The following PTPN23 variants were observed in gnomAD, a reference collection of about 807,000 sequenced individuals.
The protein encoded by PTPN23 is tyrosine-protein phosphatase non-receptor type 23.
Under a neutral mutation model 156.3 loss-of-function variants are expected in PTPN23, and 72 were observed. The observed-to-expected ratio is 0.46, with a 90% confidence interval of 0.38 to 0.56. The LOEUF (loss-of-function observed/expected upper bound fraction) is 0.56, where lower values mean the gene tolerates loss of function less well. Among genes scored for constraint, PTPN23 ranks in the 20% least tolerant of loss-of-function variants. The pLI, the probability that PTPN23 is intolerant of heterozygous loss-of-function variation, is 0.00. For synonymous variants in PTPN23, 957 were observed against 899.6 expected (o/e 1.06, Z -1.14); for missense variants, 1,974 against 2,171.5 (o/e 0.91, Z 1.81).
intron 2 of PTPN23, among the ~76,000 whole-genome samples, chr3:47,402,977 A>T (rs1445617573): frequency 1.3e-5 from 2 of 151,502 alleles, no homozygotes; most frequent in African/African-American, 2.4e-5. Context: ...AAGTGCTAGG[A>T]TTATGGGCGT....
At position 47,404,886 on chromosome 3, in the gene PTPN23, C is replaced by G. The variant is rs1263661566; in HGVS notation, c.287+107C>G. 4 of 1,574,676 alleles carry G rather than the reference C, an allele frequency of 2.5e-6. No homozygotes were observed. In the African/African-American group the frequency reaches 5.4e-5, roughly 21 times the overall value. ...CTTGCTGCATAGGATGGGGAATGGC[C>G]TCATATGGTCCCCCCAGGCCTCCCC... On this transcript the variant is annotated intron_variant, in intron 3 of 24. Transcript: ENST00000265562.
Position 47,411,740 on chromosome 3 carries a change from G to C in PTPN23, c.3889-43G>C, listed in dbSNP as rs1705298538. 1.3e-6 allele frequency: 2 copies of C among 1,592,482 alleles called. No individual in the cohort carries two copies. Among genetic ancestry groups the C allele is most frequent in the African/African-American group, 1.3e-5 (1 of 74,466 alleles). On this transcript the variant is annotated intron_variant, in intron 20 of 24. Transcript: ENST00000265562. The surrounding 1 kb of genome is among the most constrained non-coding windows in gnomAD (Gnocchi z 6.3). ...GGCAGTGTGGGGTGGCAGGGCAGGG[G>C]ATCCTGGAAAACCAGGTCTGTCTTG...
rs1704731665 is a variant in PTPN23 at position 47,389,801 on chromosome 3, A to T, written c.85-6342A>T. Among the ~76,000 whole-genome samples, 3 of 146,452 alleles carry T rather than the reference A, an allele frequency of 2.0e-5. No individual in the cohort carries two copies. The South Asian group carries it at 6.4e-4, about 31-fold the overall frequency. ...GCTTGCAGTGAGCTGAGATGGCACCACTGCACTCCAGCCTGGGTAACAGAG... is the reference window on the plus strand; with the variant it reads ...GCTTGCAGTGAGCTGAGATGGCACCTCTGCACTCCAGCCTGGGTAACAGAG... On this transcript the variant is annotated intron_variant, in intron 1 of 24. Transcript: ENST00000265562.
chr3:47,409,103 C>T lies in PTPN23; in HGVS notation c.1642+16C>T, dbSNP rs369936310. 1.2e-6 allele frequency: 2 copies of T among 1,608,392 alleles called. No homozygotes were observed. Among genetic ancestry groups the T allele is most frequent in the South Asian group, 1.1e-5 (1 of 90,470 alleles). On this transcript the variant is annotated intron_variant, in intron 16 of 24. Coordinates refer to ENST00000265562, the MANE Select transcript of PTPN23 (RefSeq NM_015466.4). ...CTCTCCCCAGGTGAGCCCCACCAGA[C>T]CCCATTGGGAGACTCGAGCTGGGGG...
intron 1 of PTPN23, among the ~76,000 whole-genome samples, chr3:47,382,292 C>G (rs1405543359): frequency 6.6e-6 from 1 of 151,382 alleles, no homozygotes; most frequent in Non-Finnish European, 1.5e-5. Flanking sequence ...AGACGTTGCT[C>G]TCTTCTTCAT....
chr3:47,394,907 C>T (rs1276294659), intron 1 of PTPN23, among the ~76,000 whole-genome samples: 1 of 152,070 alleles, frequency 6.6e-6, no homozygotes, highest in Admixed American at 6.6e-5. Context: ...GTGGGTTGTC[C>T]AGGACAGAGG....
At chr3:47,381,279 G>A in intron 1 of PTPN23, 99 bp downstream of exon 1, 3 of 1,490,942 alleles carry the variant, frequency 2.0e-6, no homozygotes, top group Non-Finnish European at 2.7e-6. Flanking sequence ...CTCAGGCCCG[G>A]TCGCAGGGTC....
At chr3:47,391,881 AT>A (rs1017611266) in intron 1 of PTPN23, among the ~76,000 whole-genome samples, 1 of 152,186 alleles carries the variant, frequency 6.6e-6, no homozygotes, top group African/African-American at 2.4e-5. Flanking sequence ...ATTTTAAAAA[AT>A]ATTTTAGTTA....
intron 2 of PTPN23, 112 bp downstream of exon 2, chr3:47,396,329 C>G: frequency 1.3e-6 from 1 of 772,900 alleles, no homozygotes; most frequent in South Asian, 1.8e-5. Flanking sequence ...AATCCCACCA[C>G]TTTGGGAGGC....
intron 1 of PTPN23, among the ~76,000 whole-genome samples, chr3:47,387,654 G>A (rs1388906850): frequency 6.6e-6 from 1 of 151,790 alleles, no homozygotes; most frequent in Non-Finnish European, 1.5e-5. Flanking sequence ...GGAGAAAAAA[G>A]AAACATAATG....
chr3:47,406,088 A>G lies in PTPN23; in HGVS notation c.546+42A>G, dbSNP rs756602407. The G allele has an allele frequency of 6.2e-7, 1 of 1,602,608 alleles. No individual in the cohort carries two copies. The highest frequency in any genetic ancestry group is 1.7e-5 in the Admixed American group (1 of 58,402). On this transcript the variant is annotated intron_variant, in intron 6 of 24. Coordinates refer to ENST00000265562, the MANE Select transcript of PTPN23 (RefSeq NM_015466.4). This position sits in a 1 kb window ranked among gnomAD's most constrained non-coding sequence, Gnocchi z 5.8. ...GTTGGAGTGGAGTTGAATCCAGGGA[A>G]GGGGATGGCCAGGGAGGGGGCAGTT...
chr3:47,411,206 T>C lies in PTPN23; in HGVS notation c.3408T>C (p.Gly1136=), dbSNP rs1463243230. ...SQHGGTQSPG[G]GQPLLQPTKV... is the part of the protein sequence containing the mutation. ...ATGGCGGCACTCAGTCTCCTGGGGG[T>C]GGGCAGCCCCTGCTGCAGCCCACCA... Residue 1136 remains glycine (G), a synonymous_variant, in exon 20 of 25, where the codon GGT becomes GGC. Coordinates refer to ENST00000265562, the MANE Select transcript of PTPN23 (RefSeq NM_015466.4). The surrounding 1 kb of genome is among the most constrained non-coding windows in gnomAD (Gnocchi z 6.3). 2 of 1,603,580 alleles carry C rather than the reference T, an allele frequency of 1.2e-6. No homozygotes were observed. The highest frequency in any genetic ancestry group is 3.4e-5 in the Admixed American group (2 of 59,424).
chr3:47,406,341 G>T lies in PTPN23; in HGVS notation c.563G>T (p.Cys188Phe). The T allele has an allele frequency of 1.2e-6, 2 of 1,613,754 alleles. No individual in the cohort carries two copies. The highest frequency in any genetic ancestry group is 1.7e-6 in the Non-Finnish European group (2 of 1,180,016). ...TCGCCCCAGGGCCAGGCTCAGGAGT[G>T]CCTCCTGGAGAAGTCGATGTTGGAC... ...VNLMLGQAQE[C>F]LLEKSMLDNR... The change falls in exon 7 of 25, where the codon TGC becomes TTC. Residue 188 changes from cysteine (C) to phenylalanine (F), a missense_variant. Around this residue, in one of 4 missense-constraint regions of PTPN23, gnomAD observed 726 missense variants for 929.5 expected, o/e 0.78. Coordinates refer to ENST00000265562, the MANE Select transcript of PTPN23 (RefSeq NM_015466.4). The surrounding 1 kb of genome is among the most constrained non-coding windows in gnomAD (Gnocchi z 5.8).
Position 47,409,739 on chromosome 3 carries a change from C to T in PTPN23, c.2034C>T (p.Phe678=), listed in dbSNP as rs551844731. 1.2e-5 allele frequency: 19 copies of T among 1,607,288 alleles called. No individual in the cohort carries two copies. In the South Asian group the frequency reaches 1.3e-4, roughly 11 times the overall value. ...LMKKSQEGRD[F]YADLESKVAA... is the part of the protein sequence containing the mutation. ...AGAAGTCGCAGGAGGGCAGGGACTT[C>T]TACGCAGATCTGGAGAGCAAGGTGG... The change falls in exon 19 of 25, where the codon TTC becomes TTT. Residue 678 remains phenylalanine, a synonymous_variant. Coordinates refer to ENST00000265562, the MANE Select transcript of PTPN23 (RefSeq NM_015466.4).
chr3:47,393,175 T>G (rs1189934751), intron 1 of PTPN23, among the ~76,000 whole-genome samples: 1 of 152,046 alleles, frequency 6.6e-6, no homozygotes, highest in African/African-American at 2.4e-5. Context: ...TTTTTTAAGA[T>G]GGAGTCTTGC....
At position 47,412,358 on chromosome 3, in the gene PTPN23, C is replaced by A. The variant is rs758946147; in HGVS notation, c.4254C>A (p.Ile1418=). ...AVQEVEAGNG[I]PELPQLVRRM... Reference sequence around the variant, plus strand: ...AGGAGGTGGAGGCTGGGAACGGAATCCCTGAGCTGCCTCAGCTGGTGCGGC... The same window carrying A: ...AGGAGGTGGAGGCTGGGAACGGAATACCTGAGCTGCCTCAGCTGGTGCGGC... Residue 1418 remains isoleucine, a synonymous_variant, in exon 23 of 25, where the codon ATC becomes ATA. Transcript: ENST00000265562. The A allele has an allele frequency of 2.5e-6, 4 of 1,613,248 alleles. 1 individual carries two copies. In the South Asian group the frequency reaches 4.4e-5, roughly 18 times the overall value.
At position 47,410,256 on chromosome 3, in the gene PTPN23, G is replaced by A; in HGVS notation, c.2458G>A (p.Ala820Thr). The change falls in exon 20 of 25, where the codon GCC (alanine) becomes ACC (threonine). Residue 820 changes from alanine (A) to threonine (T), a missense_variant. Physicochemically the swap from Ala to Thr is moderately conservative, Grantham distance 58 (BLOSUM62 0). Around this residue, in one of 4 missense-constraint regions of PTPN23, gnomAD observed 731 missense variants for 669.1 expected, o/e 1.09. Coordinates refer to ENST00000265562, the MANE Select transcript of PTPN23 (RefSeq NM_015466.4). Reference protein sequence around the residue: ...PHAMPVAPGPALYPAPAYTPE... With the variant: ...PHAMPVAPGPTLYPAPAYTPE... ...TGCAATGCCCGTAGCACCTGGGCCT[G>A]CCCTCTACCCAGCCCCTGCCTACAC... 1.2e-6 allele frequency: 2 copies of A among 1,610,542 alleles called. No homozygotes were observed. Among genetic ancestry groups the A allele is most frequent in the South Asian group, 1.1e-5 (1 of 90,462 alleles).
At chr3:47,382,377 A>G (rs1403226627) in intron 1 of PTPN23, among the ~76,000 whole-genome samples, 6 of 148,642 alleles carry the variant, frequency 4.0e-5, no homozygotes, top group Non-Finnish European at 8.9e-5. Context: ...GCTGGAGTGC[A>G]ATGGCACGAT....
rs563506036 is a variant in PTPN23 at position 47,410,056 on chromosome 3, T to C, written c.2258T>C (p.Val753Ala). The change falls in exon 20 of 25, where the codon GTG becomes GCG. Residue 753 changes from valine (V) to alanine (A), a missense_variant. Val to Ala is a moderately conservative substitution (Grantham distance 64). Transcript: ENST00000265562. ...EELRSLPPDM[V>A]AGPRLPDTFL... ...CTGCGCAGCCTCCCCCCTGACATGG[T>C]GGCTGGCCCACGACTGCCTGACACC... 3.7e-6 allele frequency: 6 copies of C among 1,611,538 alleles called. No individual in the cohort carries two copies. The South Asian group carries it at 5.5e-5, about 15-fold the overall frequency.
Sources: allele counts gnomAD v4.1 joint callset (sites outside exome capture counted in the v4.1 genomes callset), GRCh38; gene constraint gnomAD v4.1.1; regional missense constraint gnomAD v4.1.1; non-coding constraint Gnocchi (gnomAD v3.1); transcripts MANE v1.5; gene names NCBI Gene and HGNC (gene_info 2026-07-23, HGNC 2026-07-21).